The following KCNQ3 variants were observed in gnomAD, a reference collection of about 807,000 sequenced individuals.
KCNQ3 encodes the protein potassium voltage-gated channel subfamily Q member 3.
In KCNQ3, 30 loss-of-function variants were observed where a neutral mutation model predicts 92.5. The observed-to-expected ratio is 0.32, with a 90% CI of 0.24 to 0.44. KCNQ3 has a LOEUF of 0.44. Ranked by LOEUF, KCNQ3 falls within the 20% of genes least tolerant of loss-of-function variation. KCNQ3 has a pLI of 1.00. For synonymous variants in KCNQ3, 450 were observed against 468.8 expected, an observed-to-expected ratio of 0.96 and a Z score of 0.52; for missense variants, 913 against 1,140.3, an observed-to-expected ratio of 0.80 and a Z score of 2.87.
chr8:132,437,166 C>G lies in KCNQ3; in HGVS notation c.386+42981G>C, dbSNP rs1471916860. Among the ~76,000 whole-genome samples, 5 of 151,768 alleles carry G rather than the reference C, an allele frequency of 3.3e-5. No homozygotes were observed. In the East Asian group the frequency reaches 9.7e-4, roughly 29 times the overall value. On this transcript the variant is annotated intron_variant, in intron 1 of 14. Transcript: ENST00000388996. Reference sequence around the variant, plus strand: ...AGGTGGCGGGCACCTGTAGTCCCAGCTACTCGGGAGGCTGAGGCAGGAGAA... The same window carrying G: ...AGGTGGCGGGCACCTGTAGTCCCAGGTACTCGGGAGGCTGAGGCAGGAGAA...
chr8:132,334,630 C>A lies in KCNQ3; in HGVS notation c.386+145517G>T, dbSNP rs145697260. On this transcript the variant is annotated intron_variant, in intron 1 of 14. Coordinates refer to ENST00000388996, the MANE Select transcript of KCNQ3 (RefSeq NM_004519.4). ...TTGAGTGCTTGTCTCCCATGCCATC[C>A]CCATCTGGGGGCCATGTCATAATGC... is the stretch of plus-strand genomic sequence containing the variant. Among the ~76,000 whole-genome samples the A allele has an allele frequency of 4.9e-4, 75 of 152,318 alleles. 2 individuals carry two copies. In the East Asian group the frequency reaches 0.013, roughly 27 times the overall value.
At chr8:132,479,704 C>G (rs1822498895) in intron 1 of KCNQ3, among the ~76,000 whole-genome samples, 1 of 150,208 alleles carries the variant, frequency 6.7e-6, no homozygotes, top group African/African-American at 2.5e-5. Context: ...CAACTAAACT[C>G]AGTGGCGATC....
chr8:132,438,706 A>G (rs989923112), intron 1 of KCNQ3, among the ~76,000 whole-genome samples: 3 of 151,952 alleles, frequency 2.0e-5, no homozygotes, highest in African/African-American at 7.3e-5. Context: ...CTGTGGAAAG[A>G]GACAGCGAGA....
Position 132,129,669 on chromosome 8 carries a change from C to G in KCNQ3, c.2212G>C (p.Ala738Pro). The change falls in exon 15 of 15, where the codon GCA becomes CCA. Residue 738 changes from alanine to proline, a missense_variant. Coordinates refer to ENST00000388996, the MANE Select transcript of KCNQ3 (RefSeq NM_004519.4). The surrounding 1 kb of genome is among the most constrained non-coding windows in gnomAD (Gnocchi z 5.9). ...GTGGGCCTCTCCACATACGTTGTTG[C>G]TGAGGAAGGAGGAGTTGCCTGAACC... is the stretch of plus-strand genomic sequence containing the variant. ...GKVQATPPSS[A>P]TTYVERPTVL... is the part of the protein sequence containing the mutation. 6.2e-7 allele frequency: 1 copy of G among 1,614,168 alleles called. No individual in the cohort carries two copies. Among genetic ancestry groups the G allele is most frequent in the Non-Finnish European group, 8.5e-7 (1 of 1,180,030 alleles).
intron 1 of KCNQ3, among the ~76,000 whole-genome samples, chr8:132,205,644 G>T (rs1813631707): frequency 6.6e-6 from 1 of 152,170 alleles, no homozygotes; most frequent in African/African-American, 2.4e-5. Flanking sequence ...AATTTAATAA[G>T]GTAAATGATC....
chr8:132,247,798 T>TA (rs11424425), intron 1 of KCNQ3, among the ~76,000 whole-genome samples: 12,845 of 138,658 alleles, frequency 0.093, 604 homozygotes, highest in South Asian at 0.15. Context: ...AACTCCCTCT[T>TA]AAAAAAAAAA....
At chr8:132,384,566 G>C (rs1173268862) in intron 1 of KCNQ3, among the ~76,000 whole-genome samples, 1 of 152,144 alleles carries the variant, frequency 6.6e-6, no homozygotes, top group Non-Finnish European at 1.5e-5. Flanking sequence ...ATGGGAAAAG[G>C]TTGCAACCCA....
In KCNQ3 at chr8:132,124,578, A is replaced by C. The variant is rs948183490; in HGVS notation, c.*4684T>G. ...AAAGCTATGCAGATAGCCTGGTCCT[A>C]ACATGTTCTAAACTGGGCATTAGTG... is the stretch of plus-strand genomic sequence containing the variant. On this transcript the variant is annotated 3_prime_UTR_variant, in exon 15 of 15. Coordinates refer to ENST00000388996, the MANE Select transcript of KCNQ3 (RefSeq NM_004519.4). The C allele has an allele frequency of 6.6e-6, 1 of 152,200 alleles. No individual in the cohort carries two copies. The highest frequency in any genetic ancestry group is 2.4e-5 in the African/African-American group (1 of 41,456). The allele number at this position is 152,200 out of a possible 1,614,324, so 9.4% of individuals were successfully genotyped here.
Position 132,480,356 on chromosome 8 carries a change from G to A in KCNQ3, c.177C>T (p.Ala59=). 6.3e-7 allele frequency: 1 copy of A among 1,590,646 alleles called. No individual in the cohort carries two copies. ...GCAGGGTCCCGTCTTTGTCGGCTCC[G>A]GCCCCGAGCGCCAAGGTGACTTGCT... is the stretch of plus-strand genomic sequence containing the variant. ...DVEQVTLALG[A]GADKDGTLLL... Residue 59 remains alanine (A), a synonymous_variant, in exon 1 of 15, where the codon GCC becomes GCT. Coordinates refer to ENST00000388996, the MANE Select transcript of KCNQ3 (RefSeq NM_004519.4).
At position 132,170,207 on chromosome 8, in the gene KCNQ3, C is replaced by T. The variant is rs557630363; in HGVS notation, c.1235+127G>A. On this transcript the variant is annotated intron_variant, in intron 8 of 14. Transcript: ENST00000388996. ...TAAGCTACCAGATAATTCTAGGGTG[C>T]AGCCCAAATTGGGGAACATTGCCCT... 6.1e-4 allele frequency: 454 copies of T among 741,152 alleles called. 6 individuals are homozygous for T. Among genetic ancestry groups the T allele is most frequent in the South Asian group, 6.1e-3 (419 of 68,940 alleles). 45.9% of individuals were successfully genotyped at this position (741,152 alleles called of 1,614,324 possible). A position where few individuals can be genotyped will look rare whatever the true frequency, so the allele number is the denominator to read the frequency against.
At chr8:132,201,491 A>T (rs1377036996) in intron 1 of KCNQ3, among the ~76,000 whole-genome samples, 2 of 152,190 alleles carry the variant, frequency 1.3e-5, no homozygotes, top group Non-Finnish European at 2.9e-5. Context: ...ATCTGTTTCC[A>T]AAATGCAATG....
chr8:132,232,369 G>A (rs1261681701), intron 1 of KCNQ3, among the ~76,000 whole-genome samples: 1 of 152,196 alleles, frequency 6.6e-6, no homozygotes, highest in Non-Finnish European at 1.5e-5. Context: ...CTTGAGTGGT[G>A]AGGATTTACA....
At chr8:132,198,946 G>A (rs1827381337) in intron 1 of KCNQ3, among the ~76,000 whole-genome samples, 1 of 152,120 alleles carries the variant, frequency 6.6e-6, no homozygotes, top group Non-Finnish European at 1.5e-5. Context: ...CCCTAATGAA[G>A]TCTCCATGCA....
chr8:132,174,900 A>G (rs1407445768), intron 5 of KCNQ3, among the ~76,000 whole-genome samples: 2 of 152,248 alleles, frequency 1.3e-5, no homozygotes, highest in African/African-American at 4.8e-5. Flanking sequence ...CAGGTTAGCC[A>G]CTTACTGGCT....
intron 1 of KCNQ3, among the ~76,000 whole-genome samples, chr8:132,278,393 T>C (rs1816408251): frequency 6.6e-6 from 1 of 152,230 alleles, no homozygotes; most frequent in Non-Finnish European, 1.5e-5. Context: ...CAGTGCTGCG[T>C]CGACACATGC....
Position 132,134,242 on chromosome 8 carries a change from T to C in KCNQ3, c.1799+48A>G, listed in dbSNP as rs749160342. 3 of 1,438,962 alleles carry C rather than the reference T, an allele frequency of 2.1e-6. No homozygotes were observed. In the African/African-American group the frequency reaches 4.2e-5, roughly 20 times the overall value. 89.1% of individuals were successfully genotyped at this position (1,438,962 alleles called of 1,614,324 possible). A position where few individuals can be genotyped will look rare whatever the true frequency, so the allele number is the denominator to read the frequency against. On this transcript the variant is annotated intron_variant, in intron 13 of 14. Transcript: ENST00000388996. Reference sequence around the variant, plus strand: ...CAGAGGTTTGGGGGTGGGGATGCTTTACAAACTTTGCACCCCTGGCCCATC... The same window carrying C: ...CAGAGGTTTGGGGGTGGGGATGCTTCACAAACTTTGCACCCCTGGCCCATC...
In KCNQ3 at chr8:132,186,076, A is replaced by G. The variant is rs1826947099; in HGVS notation, c.477+15T>C. 6.3e-7 allele frequency: 1 copy of G among 1,596,044 alleles called. No homozygotes were observed. The highest frequency in any genetic ancestry group is 1.3e-5 in the African/African-American group (1 of 74,510). ...AAGCCCAACCAGAAGCATTTACCCC[A>G]GAATGCAATCTTACCAGTAACAGAA... On this transcript the variant is annotated intron_variant, in intron 2 of 14. Coordinates refer to ENST00000388996, the MANE Select transcript of KCNQ3 (RefSeq NM_004519.4).
chr8:132,157,809 C>T (rs1328637715), intron 9 of KCNQ3, among the ~76,000 whole-genome samples: 1 of 152,030 alleles, frequency 6.6e-6, no homozygotes, highest in Non-Finnish European at 1.5e-5. Flanking sequence ...GGTATTTGCC[C>T]TAATGCTCTC....
intron 1 of KCNQ3, among the ~76,000 whole-genome samples, chr8:132,396,952 G>GTGTT (rs1820209304): frequency 1.3e-5 from 2 of 151,434 alleles, no homozygotes; most frequent in Admixed American, 1.3e-4. Flanking sequence ...GTGTGTGCGT[G>GTGTT]TGTGTGTGTG....
Sources: gnomAD v4.1 joint callset for allele counts (sites outside exome capture counted in the v4.1 genomes callset) on GRCh38, gnomAD v4.1.1 for gene constraint, Gnocchi (gnomAD v3.1) non-coding constraint, MANE v1.5 for transcripts, NCBI Gene and HGNC (gene_info 2026-07-23, HGNC 2026-07-21) for gene names.